IRGM: variants seen among roughly 807,000 people sequenced by gnomAD.
IRGM encodes immunity-related GTPase family M protein.
For synonymous variants in IRGM, 98 were observed against 80.6 expected (o/e 1.22, Z -1.16); for missense variants, 288 against 219.9 (o/e 1.31, Z -1.96).
chr5:150,848,638 A>G lies in IRGM; in HGVS notation c.515A>G (p.Asn172Ser). ...CAGATCAGAGAAAATGTCCTGGAAA[A>G]TCTCCAGAAGGAGCGGGTATGTGAA... ...LLQIRENVLE[N>S]LQKERVCEY Residue 172 changes from asparagine to serine, a missense_variant, in exon 2 of 2, where the codon AAT becomes AGT. Asn to Ser is a conservative substitution (Grantham distance 46). Transcript: ENST00000522154. 6.5e-7 allele frequency: 1 copy of G among 1,544,560 alleles called. No individual in the cohort carries two copies. Among genetic ancestry groups the G allele is most frequent in the Non-Finnish European group, 8.8e-7 (1 of 1,141,522 alleles).
Position 150,867,120 on chromosome 5 carries a change from G to T in IRGM, c.159-10860G>T, listed in dbSNP as rs1402402798. Among the ~76,000 whole-genome samples the T allele has an allele frequency of 2.6e-5, 4 of 152,160 alleles. No individual in the cohort carries two copies. The East Asian group carries it at 5.8e-4, about 22-fold the overall frequency. On this transcript the variant is annotated intron_variant and NMD_transcript_variant, in intron 1 of 3. Transcript: ENST00000520549. ...CTGAAATTTTGTGCACTCATCACCCGCACAGTGTACACTGTACCCAATGTG... is the reference window on the plus strand; with the variant it reads ...CTGAAATTTTGTGCACTCATCACCCTCACAGTGTACACTGTACCCAATGTG...
chr5:150,900,057 T>C (rs1754940055), intron 3 of IRGM, among the ~76,000 whole-genome samples: 1 of 152,104 alleles, frequency 6.6e-6, no homozygotes, highest in African/African-American at 2.4e-5. Flanking sequence ...AACAATCCTG[T>C]TAATTTTCCT....
At chr5:150,882,972 A>G (rs529733578) in intron 3 of IRGM, among the ~76,000 whole-genome samples, 17 of 152,292 alleles carry the variant, frequency 1.1e-4, no homozygotes, top group Admixed American at 9.8e-4. Context: ...TGTTCACAAA[A>G]CAAGAAATAA....
intron 1 of IRGM, among the ~76,000 whole-genome samples, chr5:150,861,826 A>T (rs1272733924): frequency 6.6e-6 from 1 of 152,212 alleles, no homozygotes. Flanking sequence ...AGAAAAGTGG[A>T]CTGTGCAGAT....
At chr5:150,859,627 G>T (rs1423739771) in intron 1 of IRGM, among the ~76,000 whole-genome samples, 1 of 152,176 alleles carries the variant, frequency 6.6e-6, no homozygotes, top group Non-Finnish European at 1.5e-5. Context: ...TCTATTCAGA[G>T]ATTCAACTTC....
intron 3 of IRGM, among the ~76,000 whole-genome samples, chr5:150,889,926 T>C (rs1419899200): frequency 6.6e-6 from 1 of 152,120 alleles, no homozygotes; most frequent in Non-Finnish European, 1.5e-5. Flanking sequence ...TGTGATATTA[T>C]TGTTTAGACT....
intron 1 of IRGM, among the ~76,000 whole-genome samples, chr5:150,857,137 T>C (rs988653837): frequency 3.3e-5 from 5 of 151,910 alleles, no homozygotes; most frequent in Admixed American, 1.3e-4. Flanking sequence ...TGTGTCCATG[T>C]GTTCTCATTG....
intron 1 of IRGM, among the ~76,000 whole-genome samples, chr5:150,871,789 T>C (rs1754286200): frequency 6.6e-6 from 1 of 152,210 alleles, no homozygotes; most frequent in East Asian, 1.9e-4. Flanking sequence ...TTCAAACAAA[T>C]TGTTTAAAGT....
At position 150,848,466 on chromosome 5, in the gene IRGM, T is replaced by C. The variant is rs1262253413; in HGVS notation, c.343T>C (p.Phe115Leu). ...LMEMQFNRYD[F>L]IMVASAQFSM... ...GGAAATGCAGTTCAACCGGTATGACTTCATCATGGTTGCATCTGCACAATT... is the reference window on the plus strand; with the variant it reads ...GGAAATGCAGTTCAACCGGTATGACCTCATCATGGTTGCATCTGCACAATT... The change falls in exon 2 of 2, where the codon TTC (phenylalanine) becomes CTC (leucine). Residue 115 changes from phenylalanine to leucine, a missense_variant. Physicochemically the swap from Phe to Leu is conservative, Grantham distance 22. Transcript: ENST00000522154. The C allele has an allele frequency of 1.3e-6, 2 of 1,551,836 alleles. No individual in the cohort carries two copies. The highest frequency in any genetic ancestry group is 2.0e-5 in the Admixed American group (1 of 51,008).
At chr5:150,887,766 A>G (rs1349650520) in intron 3 of IRGM, among the ~76,000 whole-genome samples, 1 of 152,016 alleles carries the variant, frequency 6.6e-6, no homozygotes, top group Non-Finnish European at 1.5e-5. Context: ...AAACCTTACA[A>G]GCCAGGAAAG....
chr5:150,864,081 G>A (rs1365450672), intron 1 of IRGM, among the ~76,000 whole-genome samples: 1 of 152,030 alleles, frequency 6.6e-6, no homozygotes, highest in Non-Finnish European at 1.5e-5. Flanking sequence ...AATTTCTCTT[G>A]GAGCCCTAAA....
rs1263408737 is a variant in IRGM at position 150,848,069 on chromosome 5, G to A, written c.-55G>A. ...GCTCGCCTCGGCCTTCCAAAGTGCT[G>A]GGATTACAGGCATGAGCCACGGCGC... On this transcript the variant is annotated 5_prime_UTR_variant, in exon 2 of 2. Coordinates refer to ENST00000522154, the MANE Select transcript of IRGM (RefSeq NM_001145805.2). The A allele has an allele frequency of 7.8e-6, 11 of 1,407,164 alleles. No homozygotes were observed. The Admixed American group carries it at 2.7e-4, about 34-fold the overall frequency. 87.2% of individuals were successfully genotyped at this position (1,407,164 alleles called of 1,614,324 possible). A position where few individuals can be genotyped will look rare whatever the true frequency, so the allele number is the denominator to read the frequency against.
At chr5:150,898,664 CA>C in intron 3 of IRGM, 1 of 1,290,484 alleles carries the variant, frequency 7.7e-7, no homozygotes, top group East Asian at 2.5e-5. Context: ...TTGGGAAAAA[CA>C]AAATAAAATC....
intron 1 of IRGM, among the ~76,000 whole-genome samples, chr5:150,870,990 A>T (rs114504566): frequency 6.6e-6 from 1 of 151,938 alleles, no homozygotes; most frequent in Admixed American, 6.6e-5. Flanking sequence ...AAAAAAAAAA[A>T]GTGGTATGGT....
At chr5:150,899,025 C>T (rs4958427) in intron 3 of IRGM, among the ~76,000 whole-genome samples, 48,176 of 151,756 alleles carry the variant, frequency 0.32, 12,756 homozygotes, top group African/African-American at 0.71. Flanking sequence ...TCTGTGTCCT[C>T]ATCCAAAGGG....
intron 3 of IRGM, among the ~76,000 whole-genome samples, chr5:150,892,948 T>C (rs560754831): frequency 2.0e-5 from 3 of 152,036 alleles, no homozygotes; most frequent in Non-Finnish European, 4.4e-5. Context: ...TATTTCTTCA[T>C]CTTCTTTTAT....
At chr5:150,895,914 C>T in intron 3 of IRGM, 1 of 1,613,564 alleles carries the variant, frequency 6.2e-7, no homozygotes, top group Non-Finnish European at 8.5e-7. Flanking sequence ...GGCTTCCTCA[C>T]ATTGAGCACA....
intron 3 of IRGM, among the ~76,000 whole-genome samples, chr5:150,880,106 C>A (rs1233677052): frequency 6.6e-6 from 1 of 152,164 alleles, no homozygotes; most frequent in African/African-American, 2.4e-5. Flanking sequence ...ATTGAATATA[C>A]ATTAATTAAA....
downstream of IRGM, among the ~76,000 whole-genome samples, chr5:150,853,012 T>TGA (rs1170072484): frequency 6.6e-6 from 1 of 152,164 alleles, no homozygotes; most frequent in Non-Finnish European, 1.5e-5. Flanking sequence ...TCATTATTCT[T>TGA]CTAGTGCCTT....
Sources: allele counts gnomAD v4.1 joint callset (sites outside exome capture counted in the v4.1 genomes callset), GRCh38; gene constraint gnomAD v4.1.1; transcripts MANE v1.5; gene names NCBI Gene and HGNC (gene_info 2026-07-23, HGNC 2026-07-21).